The following SORBS2 variants were observed in gnomAD, a reference collection of about 807,000 sequenced individuals.
The protein encoded by SORBS2 is sorbin and SH3 domain-containing protein 2.
SORBS2 carries 46 observed loss-of-function variants against 97.7 expected under a neutral mutation model. The ratio of observed to expected loss-of-function variants is 0.47; its 90% CI spans 0.37 to 0.60. The LOEUF is 0.60. Among genes scored for constraint, SORBS2 ranks in the 20% least tolerant of loss-of-function variants. The pLI, the probability that SORBS2 is intolerant of heterozygous loss-of-function variation, is 0.00. For missense variants in SORBS2, 1,316 were observed against 1,282.3 expected, an observed-to-expected ratio of 1.03 and a Z score of -0.40; for synonymous variants, 476 against 473.4, an observed-to-expected ratio of 1.01 and a Z score of -0.07.
chr4:185,815,611 CAT>C (rs1172968106), intron 1 of SORBS2, among the ~76,000 whole-genome samples: 1 of 152,052 alleles, frequency 6.6e-6, no homozygotes, highest in African/African-American at 2.4e-5. Flanking sequence ...TCAAAGAATA[CAT>C]ATACACACAC....
chr4:185,614,344 A>C (rs927158575), intron 11 of SORBS2, among the ~76,000 whole-genome samples: 1 of 151,814 alleles, frequency 6.6e-6, no homozygotes, highest in African/African-American at 2.4e-5. Flanking sequence ...CCAAAGAAGG[A>C]TGATCCAGGG....
At chr4:185,669,360 G>A (rs1487869389) in intron 4 of SORBS2, among the ~76,000 whole-genome samples, 6 of 152,158 alleles carry the variant, frequency 3.9e-5, no homozygotes, top group South Asian at 2.1e-4. Context: ...CTTGAAACAC[G>A]ATGAAAATTA....
At chr4:185,709,304 C>CCTTTTTTTCTTTTTTTTTTTT (rs1554199361) in intron 2 of SORBS2, among the ~76,000 whole-genome samples, 1 of 96,804 alleles carries the variant, frequency 1.0e-5, no homozygotes, top group Non-Finnish European at 2.0e-5. Context: ...CTGGCCAAAT[C>CCTTTTTTTCTTTTTTTTTTTT]TTTTTTTTTT....
Position 185,809,455 on chromosome 4 carries a change from C to CAAAAAAAAAAAAAAAAAAAAA in SORBS2, c.-337-34110_-337-34090dup, listed in dbSNP as rs55713465. Among the ~76,000 whole-genome samples the CAAAAAAAAAAAAAAAAAAAAA allele has an allele frequency of 1.5e-4, 7 of 47,290 alleles. 1 individual carries two copies. The highest frequency in any genetic ancestry group is 2.6e-4 in the African/African-American group (3 of 11,560). The allele number at this position is 47,290 out of a possible 152,430, so 31.0% of individuals were successfully genotyped here. A position where few individuals can be genotyped will look rare whatever the true frequency, so the allele number is the denominator to read the frequency against. ...GACTCTTCAGGGGGCACTGCATTTG[C>CAAAAAAAAAAAAAAAAAAAAA]AAAAAAAAAAAAAAAAAAAAAAAAA... On this transcript the variant is annotated intron_variant, in intron 1 of 20. Transcript: ENST00000284776.
chr4:185,697,525 C>T (rs2098194263), intron 2 of SORBS2, among the ~76,000 whole-genome samples: 1 of 152,244 alleles, frequency 6.6e-6, no homozygotes, highest in Non-Finnish European at 1.5e-5. Flanking sequence ...TGAATCAAAC[C>T]CTTGCCTTCT....
intron 2 of SORBS2, among the ~76,000 whole-genome samples, chr4:185,726,567 C>A (rs2098555720): frequency 6.6e-6 from 1 of 151,728 alleles, no homozygotes; most frequent in African/African-American, 2.4e-5. Flanking sequence ...CTTAAGCTAA[C>A]AAACAATAGT....
chr4:185,786,937 T>C (rs1032873470), intron 1 of SORBS2, among the ~76,000 whole-genome samples: 10 of 145,890 alleles, frequency 6.9e-5, no homozygotes, highest in African/African-American at 2.6e-4. Flanking sequence ...CACTCCAATC[T>C]GGATGTTCAT....
At chr4:185,787,340 C>T (rs557626693) in intron 1 of SORBS2, among the ~76,000 whole-genome samples, 4 of 152,176 alleles carry the variant, frequency 2.6e-5, no homozygotes, top group South Asian at 4.2e-4. Context: ...GAGAGACTGG[C>T]GTGGACAAAC....
intron 1 of SORBS2, among the ~76,000 whole-genome samples, chr4:185,817,608 T>C (rs958534997): frequency 6.6e-6 from 1 of 152,190 alleles, no homozygotes; most frequent in Non-Finnish European, 1.5e-5. Flanking sequence ...CCCTACCCAG[T>C]GCAGAAAAAG....
rs145408541 is a variant in SORBS2 at position 185,606,375 on chromosome 4, G to C, written c.2796+5405C>G. On this transcript the variant is annotated intron_variant, in intron 12 of 14. Coordinates refer to ENST00000418609, the Ensembl canonical transcript of SORBS2. This position sits in a 1 kb window ranked among gnomAD's most constrained non-coding sequence, Gnocchi z 4.3. ...AAGTTTATGGTCCTGAAGAAAAATG[G>C]GATAATGGAATTATATCACATATTT... is the stretch of plus-strand genomic sequence containing the variant. 1.4e-4 allele frequency: 138 copies of C among 966,378 alleles called. 1 individual carries two copies. The African/African-American group carries it at 2.3e-3, about 16-fold the overall frequency. The allele number at this position is 966,378 out of a possible 1,614,324, so 59.9% of individuals were successfully genotyped here.
At chr4:185,818,062 A>C (rs976315760) in intron 1 of SORBS2, among the ~76,000 whole-genome samples, 2 of 152,266 alleles carry the variant, frequency 1.3e-5, no homozygotes, top group African/African-American at 4.8e-5. Flanking sequence ...AAGGCCTGAC[A>C]GTGACAGCAC....
chr4:185,909,416 A>G (rs1427815735), intron 1 of SORBS2, among the ~76,000 whole-genome samples: 1 of 152,164 alleles, frequency 6.6e-6, no homozygotes, highest in African/African-American at 2.4e-5. Context: ...GGATGATGAA[A>G]GATGACTTAA....
At chr4:185,813,720 C>T (rs72629650) in intron 1 of SORBS2, among the ~76,000 whole-genome samples, 44,689 of 152,084 alleles carry the variant, frequency 0.29, 7,223 homozygotes, top group East Asian at 0.66. Flanking sequence ...CAATCTGCCT[C>T]CTCTTTTATC....
rs4435784 is a variant in SORBS2 at position 185,684,028 on chromosome 4, C to A, written c.-197-5206G>T. 0.84 allele frequency among the ~76,000 whole-genome samples: 127,250 copies of A among 151,816 alleles called. 53,654 individuals are homozygous for A. Among genetic ancestry groups the A allele is most frequent in the Non-Finnish European group, 0.89 (60,368 of 67,962 alleles). On this transcript the variant is annotated intron_variant, in intron 2 of 20. Coordinates refer to the SORBS2 transcript ENST00000284776. This position sits in a 1 kb window ranked among gnomAD's most constrained non-coding sequence, Gnocchi z 4.2. ...CAACCAGCCAACCAACCAACCAACC[C>A]ACCAACCAACCCATCACCAACAGGT... is the stretch of plus-strand genomic sequence containing the variant.
At chr4:185,622,942 G>A in exon 7 of SORBS2, 2 of 1,612,674 alleles carry the variant, frequency 1.2e-6, no homozygotes, top group Non-Finnish European at 1.7e-6. Context: ...GGTCTTGGTG[G>A]TGGCAGCTGC....
At position 185,760,624 on chromosome 4, in the gene SORBS2, C is replaced by T. The variant is rs1174811760; in HGVS notation, c.-198+14603G>A. On this transcript the variant is annotated intron_variant, in intron 2 of 20. Transcript: ENST00000284776. Reference sequence around the variant, plus strand: ...ATCCTATGTCTGCATAATGCGTCTACACAGGCTTTGGGATGCAGCAGCATT... The same window carrying T: ...ATCCTATGTCTGCATAATGCGTCTATACAGGCTTTGGGATGCAGCAGCATT... Among the ~76,000 whole-genome samples the T allele has an allele frequency of 4.6e-5, 7 of 152,170 alleles. No homozygotes were observed. In the East Asian group the frequency reaches 1.3e-3, roughly 29 times the overall value.
chr4:185,601,913 TCACAGA>T (rs1415994411), intron 12 of SORBS2, among the ~76,000 whole-genome samples: 4 of 152,320 alleles, frequency 2.6e-5, no homozygotes, highest in Non-Finnish European at 5.9e-5. Context: ...CTCACTCTCC[TCACAGA>T]GCTTCCGCTG....
intron 1 of SORBS2, among the ~76,000 whole-genome samples, chr4:185,944,254 C>A (rs1579615510): frequency 6.6e-6 from 1 of 152,268 alleles, no homozygotes; most frequent in East Asian, 1.9e-4. Context: ...TTTCGGGGCC[C>A]CAAATAGAGA....
intron 4 of SORBS2, among the ~76,000 whole-genome samples, chr4:185,677,944 TG>T: frequency 6.6e-6 from 1 of 152,124 alleles, no homozygotes; most frequent in Admixed American, 6.5e-5. Flanking sequence ...TATGTTCTCT[TG>T]GCATATTTTA....
Sources: gnomAD v4.1 joint callset for allele counts (sites outside exome capture counted in the v4.1 genomes callset) on GRCh38, gnomAD v4.1.1 for gene constraint, Gnocchi (gnomAD v3.1) non-coding constraint, MANE v1.5 for transcripts, NCBI Gene and HGNC (gene_info 2026-07-23, HGNC 2026-07-21) for gene names.